Variants in PTPRT observed in about 807,000 individuals in gnomAD.
PTPRT encodes protein tyrosine phosphatase receptor type T, also known as receptor-type tyrosine-protein phosphatase T.
Under a neutral mutation model 176.8 loss-of-function variants are expected in PTPRT, and 56 were observed. That is an observed-to-expected ratio of 0.32 (90% CI 0.26 to 0.40). PTPRT has a LOEUF of 0.40. PTPRT is among the 10% of genes least tolerant of loss of function. The pLI is 1.00. For missense variants in PTPRT, 1,540 were observed against 1,908.2 expected (o/e 0.81, Z 3.60); for synonymous variants, 783 against 739.0 (o/e 1.06, Z -0.96).
chr20:42,099,762 C>T (rs900354683), intron 26 of PTPRT, among the ~76,000 whole-genome samples: 2 of 152,098 alleles, frequency 1.3e-5, no homozygotes, highest in East Asian at 3.9e-4. Context: ...AGGGCAAAGA[C>T]CCTGGAAAAA....
intron 1 of PTPRT, among the ~76,000 whole-genome samples, chr20:42,947,692 A>C (rs1175705573): frequency 6.6e-6 from 1 of 152,132 alleles, no homozygotes; most frequent in Non-Finnish European, 1.5e-5. Context: ...CCTCCCCTGC[A>C]CACCAAACTT....
intron 7 of PTPRT, among the ~76,000 whole-genome samples, chr20:42,494,516 T>G (rs1386592450): frequency 6.6e-6 from 1 of 152,120 alleles, no homozygotes; most frequent in African/African-American, 2.4e-5. Context: ...GGGAATAATG[T>G]GTCATCAAAG....
intron 1 of PTPRT, among the ~76,000 whole-genome samples, chr20:42,975,937 AAGAG>A (rs1450602619): frequency 3.3e-5 from 5 of 152,074 alleles, no homozygotes; most frequent in Non-Finnish European, 1.5e-5. Context: ...AAAAAAAAAA[AAGAG>A]AGAACATCTT....
At chr20:42,811,983 A>G (rs1351031951) in intron 2 of PTPRT, among the ~76,000 whole-genome samples, 1 of 152,092 alleles carries the variant, frequency 6.6e-6, no homozygotes, top group African/African-American at 2.4e-5. Flanking sequence ...TTCTTGAACT[A>G]TGCTTTCTTT....
chr20:42,106,716 C>T lies in PTPRT; in HGVS notation c.3390+70G>A, dbSNP rs1229062460. 12 of 1,559,340 alleles carry T rather than the reference C, an allele frequency of 7.7e-6. No homozygotes were observed. The East Asian group carries it at 9.1e-5, about 12-fold the overall frequency. ...GGATGCCCCTACCTATGTGTCTCTC[C>T]GTTCTATCATCATGTTTCTCCTTGG... On this transcript the variant is annotated intron_variant, in intron 24 of 30. Transcript: ENST00000373187.
At chr20:43,069,551 T>C (rs1325545658) in intron 1 of PTPRT, among the ~76,000 whole-genome samples, 1 of 152,208 alleles carries the variant, frequency 6.6e-6, no homozygotes, top group East Asian at 1.9e-4. Context: ...ATCTATCCTT[T>C]ATAATATTAA....
intron 17 of PTPRT, among the ~76,000 whole-genome samples, chr20:42,147,452 T>C (rs1988920589): frequency 6.6e-6 from 1 of 152,212 alleles, no homozygotes; most frequent in South Asian, 2.1e-4. Context: ...ACCAGAGTTT[T>C]TTCTTTACTC....
At chr20:43,080,241 G>C (rs952892014) in intron 1 of PTPRT, among the ~76,000 whole-genome samples, 6 of 152,168 alleles carry the variant, frequency 3.9e-5, no homozygotes, top group Non-Finnish European at 8.8e-5. Context: ...GATTTTTCCT[G>C]TCTGCTACTG....
At chr20:42,973,778 G>A (rs763499082) in intron 1 of PTPRT, among the ~76,000 whole-genome samples, 1 of 152,206 alleles carries the variant, frequency 6.6e-6, no homozygotes, top group Non-Finnish European at 1.5e-5. Context: ...TCACACACCT[G>A]CTCAAATAAT....
At chr20:43,153,871 C>A (rs1050207176) in intron 1 of PTPRT, among the ~76,000 whole-genome samples, 5 of 152,140 alleles carry the variant, frequency 3.3e-5, no homozygotes, top group African/African-American at 1.2e-4. Flanking sequence ...ACATGAGGTT[C>A]ATAACCAGGA....
intron 1 of PTPRT, among the ~76,000 whole-genome samples, chr20:42,896,069 G>A (rs208202): frequency 0.046 from 6,910 of 151,554 alleles, 399 homozygotes; most frequent in African/African-American, 0.14. Flanking sequence ...AAGAACACTA[G>A]CTCTTTAGAT....
rs1409319986 is a variant in PTPRT, at chr20:42,756,710, A to G, written c.685-74T>C. ...CTTCTAGGTGACTCCCAACACGGAT[A>G]TCCACCCATCCTCACACCCCTGGGG... On this transcript the variant is annotated intron_variant, in intron 5 of 30. Transcript: ENST00000373187. The G allele has an allele frequency of 8.5e-6, 11 of 1,289,210 alleles. No homozygotes were observed. The African/African-American group carries it at 1.0e-4, about 12-fold the overall frequency. The allele number at this position is 1,289,210 out of a possible 1,614,324, so 79.9% of individuals were successfully genotyped here.
chr20:42,505,700 T>A lies in PTPRT; in HGVS notation c.1154-33138A>T, dbSNP rs562762196. Reference sequence around the variant, plus strand: ...TAGGGTCATAGAAGGAGGGTGAGTTTCATATGAGCAACAGGAACTACTGGC... The same window carrying A: ...TAGGGTCATAGAAGGAGGGTGAGTTACATATGAGCAACAGGAACTACTGGC... On this transcript the variant is annotated intron_variant, in intron 7 of 30. Coordinates refer to ENST00000373187, the MANE Select transcript of PTPRT (RefSeq NM_007050.6). Among the ~76,000 whole-genome samples, 11 of 152,274 alleles carry A rather than the reference T, an allele frequency of 7.2e-5. No individual in the cohort carries two copies. The East Asian group carries it at 1.9e-3, about 27-fold the overall frequency.
chr20:42,568,989 A>G (rs1341982458), intron 7 of PTPRT, among the ~76,000 whole-genome samples: 1 of 131,550 alleles, frequency 7.6e-6, no homozygotes, highest in Non-Finnish European at 1.6e-5. Context: ...TGGAGGTTGC[A>G]GTGAGCCGAG....
intron 11 of PTPRT, among the ~76,000 whole-genome samples, chr20:42,340,538 A>G (rs563872996): frequency 2.0e-5 from 3 of 152,356 alleles, no homozygotes; most frequent in African/African-American, 7.2e-5. Context: ...ACTGTTGCCA[A>G]GTGGAGGCAA....
At chr20:42,462,125 T>C (rs2071031683) in intron 8 of PTPRT, among the ~76,000 whole-genome samples, 1 of 152,014 alleles carries the variant, frequency 6.6e-6, no homozygotes, top group South Asian at 2.1e-4. Context: ...GTGGGCAACA[T>C]GTGGGCAATG....
intron 6 of PTPRT, among the ~76,000 whole-genome samples, chr20:42,713,459 A>C (rs1328179537): frequency 6.6e-6 from 1 of 152,012 alleles, no homozygotes; most frequent in Non-Finnish European, 1.5e-5. Context: ...TCATGGGCAA[A>C]ATTTTTCTCT....
intron 17 of PTPRT, among the ~76,000 whole-genome samples, chr20:42,151,493 C>G (rs1298786683): frequency 6.6e-6 from 1 of 152,186 alleles, no homozygotes; most frequent in Non-Finnish European, 1.5e-5. Context: ...TTTTCTATGG[C>G]TGCATAGTAT....
chr20:42,266,694 C>T (rs528302920), intron 13 of PTPRT, among the ~76,000 whole-genome samples: 2 of 152,254 alleles, frequency 1.3e-5, no homozygotes, highest in African/African-American at 4.8e-5. Context: ...TGCCAAACGT[C>T]CCCTAGTCCT....
Sources: gnomAD v4.1 joint callset for allele counts (sites outside exome capture counted in the v4.1 genomes callset) on GRCh38, gnomAD v4.1.1 for gene constraint, MANE v1.5 for transcripts, NCBI Gene and HGNC (gene_info 2026-07-23, HGNC 2026-07-21) for gene names.